The following RARB variants were observed in gnomAD, a reference collection of about 807,000 sequenced individuals.
RARB encodes the protein retinoic acid receptor beta.
Under a neutral mutation model 51.9 loss-of-function variants are expected in RARB, and 17 were observed. The observed-to-expected ratio is 0.33, with a 90% CI of 0.22 to 0.49. RARB has a LOEUF of 0.49. Among genes scored for constraint, RARB ranks in the 20% least tolerant of loss-of-function variants. The pLI is 0.99. For missense variants in RARB, 369 were observed against 550.8 expected (o/e 0.67, Z 3.30); for synonymous variants, 215 against 195.4 (o/e 1.10, Z -0.84).
chr3:25,130,694 T>C (rs1575174213), intron 3 of RARB, among the ~76,000 whole-genome samples: 1 of 152,046 alleles, frequency 6.6e-6, no homozygotes, highest in Middle Eastern at 3.4e-3. Flanking sequence ...TGTCACTTTT[T>C]ATAGTTACTG....
chr3:25,312,519 T>G (rs1369479111), intron 5 of RARB, among the ~76,000 whole-genome samples: 1 of 152,040 alleles, frequency 6.6e-6, no homozygotes, highest in Non-Finnish European at 1.5e-5. Context: ...TAAAAGTGGG[T>G]TTGTAAAATG....
At chr3:25,416,446 T>C (rs935754377) in intron 5 of RARB, among the ~76,000 whole-genome samples, 1 of 152,210 alleles carries the variant, frequency 6.6e-6, no homozygotes, top group African/African-American at 2.4e-5. Context: ...TTGAGACTTT[T>C]AGACCTTGAA....
At chr3:25,329,663 T>G (rs1391879827) in intron 5 of RARB, among the ~76,000 whole-genome samples, 1 of 152,192 alleles carries the variant, frequency 6.6e-6, no homozygotes, top group Admixed American at 6.5e-5. Context: ...GGAGAATGAC[T>G]TTGATGAGTT....
chr3:25,096,487 C>G (rs747012169), intron 3 of RARB, among the ~76,000 whole-genome samples: 1 of 152,164 alleles, frequency 6.6e-6, no homozygotes, highest in Admixed American at 6.5e-5. Context: ...GCCTTATACA[C>G]AAAATATCCC....
At chr3:25,471,181 A>T (rs930672519) in intron 2 of RARB, among the ~76,000 whole-genome samples, 1 of 152,218 alleles carries the variant, frequency 6.6e-6, no homozygotes, top group African/African-American at 2.4e-5. Flanking sequence ...GTCTTTGGTG[A>T]CCAAAGTCTA....
chr3:25,552,445 T>C (rs777505860), intron 3 of RARB, among the ~76,000 whole-genome samples: 3 of 151,898 alleles, frequency 2.0e-5, no homozygotes, highest in Non-Finnish European at 2.9e-5. Flanking sequence ...CTTTGGTTGT[T>C]AATTGGAAGG....
intron 2 of RARB, among the ~76,000 whole-genome samples, chr3:24,920,938 CTT>C (rs556934529): frequency 6.6e-6 from 1 of 152,176 alleles, no homozygotes; most frequent in Non-Finnish European, 1.5e-5. Context: ...AATTAGCTCT[CTT>C]AAGCTTTCTA....
chr3:25,256,774 C>T (rs762122342), intron 5 of RARB, among the ~76,000 whole-genome samples: 4 of 151,284 alleles, frequency 2.6e-5, no homozygotes, highest in Admixed American at 1.3e-4. Flanking sequence ...CTTTGGCAAA[C>T]GTGTATAATG....
intron 2 of RARB, among the ~76,000 whole-genome samples, chr3:25,040,069 G>A (rs899118400): frequency 6.6e-6 from 1 of 152,186 alleles, no homozygotes; most frequent in Non-Finnish European, 1.5e-5. Context: ...CAGGCCAGGG[G>A]CATTCATGGT....
chr3:24,872,322 A>C (rs1019222965), intron 2 of RARB, among the ~76,000 whole-genome samples: 1 of 152,190 alleles, frequency 6.6e-6, no homozygotes, highest in African/African-American at 2.4e-5. Flanking sequence ...TCTATCTGGA[A>C]TGTTCTTACC....
intron 5 of RARB, among the ~76,000 whole-genome samples, chr3:25,310,642 A>T (rs1230509314): frequency 6.6e-6 from 1 of 152,152 alleles, no homozygotes; most frequent in Non-Finnish European, 1.5e-5. Context: ...TTTAAGTGCT[A>T]CTTTGACCAC....
chr3:25,420,990 C>CAAAAAA (rs376170107), intron 5 of RARB, among the ~76,000 whole-genome samples: 6,803 of 62,062 alleles, frequency 0.11, 382 homozygotes, highest in East Asian at 0.18. Flanking sequence ...ACCACTTATG[C>CAAAAAA]CAAAAAAAAA....
intron 5 of RARB, among the ~76,000 whole-genome samples, chr3:25,588,661 G>A (rs903217947): frequency 1.3e-5 from 2 of 152,106 alleles, no homozygotes; most frequent in African/African-American, 2.4e-5. Flanking sequence ...TCAAGACCCC[G>A]GCCAGAGCTG....
chr3:24,917,014 C>A (rs940412201), intron 2 of RARB, among the ~76,000 whole-genome samples: 3 of 152,108 alleles, frequency 2.0e-5, no homozygotes, highest in African/African-American at 7.2e-5. Context: ...ACAGATATAA[C>A]TAATTTATGA....
intron 5 of RARB, among the ~76,000 whole-genome samples, chr3:25,418,286 T>C (rs1167507009): frequency 6.6e-6 from 1 of 151,894 alleles, no homozygotes; most frequent in Non-Finnish European, 1.5e-5. Context: ...AAAAATATAA[T>C]TTTTTTTGTC....
chr3:25,033,677 A>T (rs1038099299), intron 2 of RARB, among the ~76,000 whole-genome samples: 1 of 152,180 alleles, frequency 6.6e-6, no homozygotes, highest in African/African-American at 2.4e-5. Flanking sequence ...TTCAGAGAGC[A>T]GTGGCTGCAG....
intron 2 of RARB, among the ~76,000 whole-genome samples, chr3:25,034,419 A>G (rs776914094): frequency 6.6e-6 from 1 of 152,222 alleles, no homozygotes; most frequent in Non-Finnish European, 1.5e-5. Context: ...TTAAAAATGC[A>G]ATGTCTTTCT....
chr3:25,038,953 C>T (rs1263079955), intron 2 of RARB, among the ~76,000 whole-genome samples: 1 of 152,058 alleles, frequency 6.6e-6, no homozygotes, highest in African/African-American at 2.4e-5. Context: ...GCCTTTTTAC[C>T]CTTAATTCAG....
chr3:25,084,556 G>A (rs543901672), intron 3 of RARB, among the ~76,000 whole-genome samples: 1 of 151,738 alleles, frequency 6.6e-6, no homozygotes, highest in Admixed American at 6.6e-5. Flanking sequence ...CCTTCTCTAT[G>A]CAACATCTCA....
Sources: gnomAD v4.1 joint callset for allele counts (sites outside exome capture counted in the v4.1 genomes callset) on GRCh38, gnomAD v4.1.1 for gene constraint, MANE v1.5 for transcripts, NCBI Gene and HGNC (gene_info 2026-07-23, HGNC 2026-07-21) for gene names.